Variants in LRRTM3 observed in about 807,000 individuals in gnomAD.
The protein encoded by LRRTM3 is leucine-rich repeat transmembrane neuronal protein 3.
LRRTM3 carries 24 observed loss-of-function variants against 44.7 expected under a neutral mutation model. The observed-to-expected ratio is 0.54, with a 90% confidence interval of 0.39 to 0.76. LRRTM3 has a LOEUF of 0.76. Among genes scored for constraint, LRRTM3 ranks in the 30% least tolerant of loss-of-function variants. The pLI is 0.00. For synonymous variants in LRRTM3, 277 were observed against 278.7 expected (o/e 0.99, Z 0.06); for missense variants, 587 against 702.2 (o/e 0.84, Z 1.85).
At chr10:67,067,246 T>C (rs959101819) in intron 2 of LRRTM3, among the ~76,000 whole-genome samples, 2 of 152,208 alleles carry the variant, frequency 1.3e-5, no homozygotes, top group Non-Finnish European at 2.9e-5. Flanking sequence ...TATTTATATA[T>C]TTGTCTGTTC....
chr10:67,089,591 C>A (rs2131903796), intron 2 of LRRTM3, among the ~76,000 whole-genome samples: 1 of 151,734 alleles, frequency 6.6e-6, no homozygotes, highest in East Asian at 1.9e-4. Context: ...GGACTCTTGC[C>A]AATAAATCTC....
At chr10:66,981,890 G>T (rs1850462431) in intron 2 of LRRTM3, among the ~76,000 whole-genome samples, 1 of 152,128 alleles carries the variant, frequency 6.6e-6, no homozygotes, top group African/African-American at 2.4e-5. Context: ...TGCTCCCAAA[G>T]TTGCATCAAA....
At chr10:66,945,028 C>T (rs1848208775) in intron 2 of LRRTM3, among the ~76,000 whole-genome samples, 1 of 152,064 alleles carries the variant, frequency 6.6e-6, no homozygotes, top group Non-Finnish European at 1.5e-5. Context: ...TCTTAAGGGC[C>T]CCAGGATTTT....
chr10:66,958,308 C>CAAAAAAAAAAAAAA (rs35076056), intron 2 of LRRTM3, among the ~76,000 whole-genome samples: 1 of 86,946 alleles, frequency 1.2e-5, no homozygotes, highest in African/African-American at 4.1e-5. Flanking sequence ...TGCTTTCTTG[C>CAAAAAAAAAAAAAA]AAAAAAAAAA....
At chr10:66,970,766 T>C (rs1412099379) in intron 2 of LRRTM3, among the ~76,000 whole-genome samples, 1 of 152,052 alleles carries the variant, frequency 6.6e-6, no homozygotes, top group Non-Finnish European at 1.5e-5. Context: ...AGATAACAAA[T>C]GATTGCCCAA....
At chr10:66,989,405 T>C (rs1850917117) in intron 2 of LRRTM3, among the ~76,000 whole-genome samples, 1 of 152,212 alleles carries the variant, frequency 6.6e-6, no homozygotes. Context: ...TTCTTGATTA[T>C]ATTTGTAGGT....
intron 2 of LRRTM3, among the ~76,000 whole-genome samples, chr10:66,990,457 T>C (rs193077291): frequency 3.9e-5 from 6 of 152,328 alleles, no homozygotes; most frequent in Admixed American, 2.0e-4. Context: ...CTAATCACCA[T>C]ATTATTCCAG....
At chr10:66,968,589 C>T (rs1360962350) in intron 2 of LRRTM3, among the ~76,000 whole-genome samples, 1 of 151,814 alleles carries the variant, frequency 6.6e-6, no homozygotes, top group Non-Finnish European at 1.5e-5. Flanking sequence ...CTCCTCAGTG[C>T]CTAAAACAGC....
chr10:67,049,976 C>G (rs1238029937), intron 2 of LRRTM3, among the ~76,000 whole-genome samples: 3 of 152,154 alleles, frequency 2.0e-5, no homozygotes, highest in Non-Finnish European at 4.4e-5. Flanking sequence ...CATAACTTAT[C>G]TTTAAATGTA....
chr10:67,029,309 T>C (rs1853578435), intron 2 of LRRTM3, among the ~76,000 whole-genome samples: 1 of 152,100 alleles, frequency 6.6e-6, no homozygotes, highest in Non-Finnish European at 1.5e-5. Context: ...CCAAATCCAT[T>C]TGGAGGATAT....
rs990545516 is a variant in LRRTM3 at position 66,926,601 on chromosome 10, T to C, written c.4+14T>C. On this transcript the variant is annotated intron_variant, in intron 1 of 2. Transcript: ENST00000361320. Reference sequence around the variant, plus strand: ...TACAAAGGATGGGTATGTTTTGTCATTTTTCTTCTTTCCTTCTTAAAAACA... The same window carrying C: ...TACAAAGGATGGGTATGTTTTGTCACTTTTCTTCTTTCCTTCTTAAAAACA... 3.2e-5 allele frequency: 52 copies of C among 1,613,718 alleles called. No individual in the cohort carries two copies. Among genetic ancestry groups the C allele is most frequent in the Non-Finnish European group, 4.2e-5 (49 of 1,179,880 alleles).
chr10:66,999,862 T>C (rs1851576747), intron 2 of LRRTM3, among the ~76,000 whole-genome samples: 1 of 152,208 alleles, frequency 6.6e-6, no homozygotes, highest in African/African-American at 2.4e-5. Flanking sequence ...GTTTTCCTAA[T>C]AACAGCAATG....
chr10:66,971,414 G>C (rs990832041), intron 2 of LRRTM3, among the ~76,000 whole-genome samples: 2 of 95,134 alleles, frequency 2.1e-5, no homozygotes, highest in African/African-American at 6.5e-5. Context: ...GCAACAGAGA[G>C]AGACTCCGTC....
intron 2 of LRRTM3, among the ~76,000 whole-genome samples, chr10:66,952,436 G>A (rs1031605840): frequency 6.6e-6 from 1 of 152,124 alleles, no homozygotes; most frequent in African/African-American, 2.4e-5. Flanking sequence ...AATTTTTTAA[G>A]CTACGAAGGG....
intron 2 of LRRTM3, among the ~76,000 whole-genome samples, chr10:66,979,462 T>C (rs1196651257): frequency 2.0e-5 from 3 of 152,178 alleles, no homozygotes; most frequent in Non-Finnish European, 4.4e-5. Context: ...TGTAAGAGTT[T>C]CTGGCATAAA....
intron 2 of LRRTM3, among the ~76,000 whole-genome samples, chr10:66,973,197 C>A (rs1454030357): frequency 3.3e-5 from 5 of 151,992 alleles, no homozygotes; most frequent in African/African-American, 1.2e-4. Flanking sequence ...AATTTTAAAT[C>A]TCTTATAAAT....
chr10:66,977,597 A>G (rs1479392937), intron 2 of LRRTM3, among the ~76,000 whole-genome samples: 1 of 152,222 alleles, frequency 6.6e-6, no homozygotes, highest in Non-Finnish European at 1.5e-5. Flanking sequence ...GAGGTACTTC[A>G]GCATTCCTAT....
chr10:66,931,951 A>C (rs994678685), intron 2 of LRRTM3, among the ~76,000 whole-genome samples: 1 of 152,212 alleles, frequency 6.6e-6, no homozygotes, highest in African/African-American at 2.4e-5. Flanking sequence ...TAGGAAAAAC[A>C]AATTTTAATA....
At chr10:67,007,169 G>A (rs147821056) in intron 2 of LRRTM3, among the ~76,000 whole-genome samples, 1 of 152,226 alleles carries the variant, frequency 6.6e-6, no homozygotes, top group East Asian at 1.9e-4. Flanking sequence ...TTATGCCTCT[G>A]TGACTCCTAA....
Sources: gnomAD v4.1 joint callset for allele counts (sites outside exome capture counted in the v4.1 genomes callset) on GRCh38, gnomAD v4.1.1 for gene constraint, MANE v1.5 for transcripts, NCBI Gene and HGNC (gene_info 2026-07-23, HGNC 2026-07-21) for gene names.